The following KCNN3 variants were observed in gnomAD, a reference collection of about 807,000 sequenced individuals.
KCNN3 encodes the protein small conductance calcium-activated potassium channel protein 3.
In KCNN3, 16 loss-of-function variants were observed where a neutral mutation model predicts 62.9. The observed-to-expected ratio is 0.25, with a 90% CI of 0.17 to 0.39. The LOEUF is 0.39. Ranked by LOEUF, KCNN3 falls within the 10% of genes least tolerant of loss-of-function variation. The probability of loss-of-function intolerance (pLI) is 1.00; values close to 1 mark genes in which losing one functional copy is unlikely to be tolerated. For missense variants in KCNN3, 599 were observed against 949.4 expected, an observed-to-expected ratio of 0.63 and a Z score of 4.85; for synonymous variants, 370 against 389.2, an observed-to-expected ratio of 0.95 and a Z score of 0.58.
chr1:154,845,555 T>G (rs1487692028), intron 1 of KCNN3, among the ~76,000 whole-genome samples: 2 of 152,200 alleles, frequency 1.3e-5, no homozygotes, highest in East Asian at 3.8e-4. Context: ...CCTTGACTAA[T>G]GCACACCTGC....
chr1:154,843,793 C>T (rs1424901411), intron 1 of KCNN3, among the ~76,000 whole-genome samples: 5 of 152,204 alleles, frequency 3.3e-5, no homozygotes, highest in South Asian at 2.1e-4. Context: ...CAATTCCAGA[C>T]GGCACTTAAC....
At chr1:154,850,134 A>C in intron 1 of KCNN3, among the ~76,000 whole-genome samples, 1 of 150,628 alleles carries the variant, frequency 6.6e-6, no homozygotes, top group African/African-American at 2.4e-5. Flanking sequence ...ATCTCCCTCC[A>C]CTCTAGGGGC....
chr1:154,782,185 G>A (rs1277383135), intron 2 of KCNN3, among the ~76,000 whole-genome samples: 1 of 152,220 alleles, frequency 6.6e-6, no homozygotes, highest in Non-Finnish European at 1.5e-5. Context: ...GGATGTCACA[G>A]AAGGAGCTTC....
At chr1:154,807,266 A>T (rs1302346812) in intron 2 of KCNN3, among the ~76,000 whole-genome samples, 1 of 152,106 alleles carries the variant, frequency 6.6e-6, no homozygotes, top group African/African-American at 2.4e-5. Flanking sequence ...AGAAGAGGAA[A>T]AAATGTCCCC....
In KCNN3 at chr1:154,713,449, G is replaced by A. The variant is rs1557937412; in HGVS notation, c.1899+15C>T. On this transcript the variant is annotated intron_variant, in intron 7 of 7. Transcript: ENST00000271915. Reference sequence around the variant, plus strand: ...CTGCGTGTTCTAGGGGATGTCTCCAGACACTGCCACTCACCTTGGAAAGGT... The same window carrying A: ...CTGCGTGTTCTAGGGGATGTCTCCAAACACTGCCACTCACCTTGGAAAGGT... 6.2e-7 allele frequency: 1 copy of A among 1,607,946 alleles called. No homozygotes were observed.
intron 4 of KCNN3, among the ~76,000 whole-genome samples, chr1:154,729,308 C>G (rs1017934007): frequency 1.3e-5 from 2 of 152,184 alleles, no homozygotes; most frequent in African/African-American, 2.4e-5. Flanking sequence ...TGGATGTGCT[C>G]TGTCCAACTT....
chr1:154,744,074 A>G (rs908793519), intron 3 of KCNN3, among the ~76,000 whole-genome samples: 2 of 152,052 alleles, frequency 1.3e-5, no homozygotes, highest in Non-Finnish European at 2.9e-5. Context: ...TCTTCTCCAC[A>G]GCGCTTATCA....
In KCNN3 at chr1:154,870,121, T is replaced by C. The variant is rs753411052; in HGVS notation, c.-157A>G. The stretch of plus-strand genomic sequence containing the variant: ...CTTGCTTCGGTTCTCTGGGGCTGCC[T>C]GGAGTCCAGACGCTGCCACTCAAGA... On this transcript the variant is annotated 5_prime_UTR_variant, in exon 1 of 8. Coordinates refer to ENST00000271915, the MANE Select transcript of KCNN3 (RefSeq NM_002249.6). 1 of 853,126 alleles carries C rather than the reference T, an allele frequency of 1.2e-6. No homozygotes were observed. Among genetic ancestry groups the C allele is most frequent in the Non-Finnish European group, 2.0e-6 (1 of 511,044 alleles). The allele number at this position is 853,126 out of a possible 1,614,324, so 52.8% of individuals were successfully genotyped here.
Position 154,707,835 on chromosome 1 carries a change from T to A in KCNN3, c.*141A>T. The A allele has an allele frequency of 1.0e-6, 1 of 956,002 alleles. No individual in the cohort carries two copies. The highest frequency in any genetic ancestry group is 1.6e-6 in the Non-Finnish European group (1 of 632,056). 59.2% of individuals were successfully genotyped at this position (956,002 alleles called of 1,614,324 possible). On this transcript the variant is annotated 3_prime_UTR_variant, in exon 8 of 8. Coordinates refer to ENST00000271915, the MANE Select transcript of KCNN3 (RefSeq NM_002249.6). ...GGCATGTCGGACCAAGCACGCTGAATGAACATGAGTTAGTTAATTAGCTCG... is the reference window on the plus strand; with the variant it reads ...GGCATGTCGGACCAAGCACGCTGAAAGAACATGAGTTAGTTAATTAGCTCG...
intron 1 of KCNN3, among the ~76,000 whole-genome samples, chr1:154,842,638 C>A (rs1049220047): frequency 4.0e-4 from 37 of 91,572 alleles, no homozygotes; most frequent in Non-Finnish European, 5.4e-4. Context: ...GACCCCCCCC[C>A]CGCCACCACC....
intron 1 of KCNN3, among the ~76,000 whole-genome samples, chr1:154,861,894 C>A (rs1652785234): frequency 6.6e-6 from 1 of 152,126 alleles, no homozygotes; most frequent in Non-Finnish European, 1.5e-5. Context: ...GGAAGGGACT[C>A]GACAAAGATC....
chr1:154,755,227 T>G (rs887121231), intron 3 of KCNN3, among the ~76,000 whole-genome samples: 11 of 152,096 alleles, frequency 7.2e-5, no homozygotes, highest in Admixed American at 4.6e-4. Flanking sequence ...TCCTAATACT[T>G]GGGAACCTGA....
intron 5 of KCNN3, among the ~76,000 whole-genome samples, chr1:154,718,843 AC>A (rs1700285706): frequency 6.6e-6 from 1 of 152,198 alleles, no homozygotes; most frequent in African/African-American, 2.4e-5. Context: ...AAACATTAGC[AC>A]AGATCCTGGC....
chr1:154,756,043 G>C (rs1647673872), intron 3 of KCNN3, among the ~76,000 whole-genome samples: 1 of 137,048 alleles, frequency 7.3e-6, no homozygotes, highest in Non-Finnish European at 1.6e-5. Flanking sequence ...TGAAAAGGAG[G>C]AGGAGGAGGA....
intron 2 of KCNN3, among the ~76,000 whole-genome samples, chr1:154,778,141 C>G (rs1312909391): frequency 6.6e-6 from 1 of 152,188 alleles, no homozygotes; most frequent in Non-Finnish European, 1.5e-5. Context: ...TACCACTTAA[C>G]TGGTGGTTCT....
intron 5 of KCNN3, among the ~76,000 whole-genome samples, chr1:154,718,735 CACA>C (rs972059686): frequency 7.2e-5 from 11 of 152,140 alleles, no homozygotes; most frequent in Admixed American, 2.6e-4. Context: ...CTTAAAAAAC[CACA>C]ACAACAAAGC....
At position 154,713,452 on chromosome 1, in the gene KCNN3, A is replaced by G. The variant is rs368103346; in HGVS notation, c.1899+12T>C. The G allele has an allele frequency of 1.2e-6, 2 of 1,609,230 alleles. No homozygotes were observed. Among genetic ancestry groups the G allele is most frequent in the Non-Finnish European group, 8.5e-7 (1 of 1,175,672 alleles). On this transcript the variant is annotated intron_variant, in intron 7 of 7. Coordinates refer to ENST00000271915, the MANE Select transcript of KCNN3 (RefSeq NM_002249.6). The stretch of plus-strand genomic sequence containing the variant: ...CGTGTTCTAGGGGATGTCTCCAGAC[A>G]CTGCCACTCACCTTGGAAAGGTCCA...
At chr1:154,802,301 T>C (rs2101874888) in intron 2 of KCNN3, among the ~76,000 whole-genome samples, 1 of 152,302 alleles carries the variant, frequency 6.6e-6, no homozygotes, top group Admixed American at 6.5e-5. Context: ...TTACTGAGCT[T>C]CTCAGTATGA....
chr1:154,739,440 T>A (rs1466174870), intron 3 of KCNN3, among the ~76,000 whole-genome samples: 2 of 152,260 alleles, frequency 1.3e-5, no homozygotes, highest in East Asian at 3.9e-4. Context: ...CATTTCCTCG[T>A]TTTTCTTCAT....
Sources: allele counts gnomAD v4.1 joint callset (sites outside exome capture counted in the v4.1 genomes callset), GRCh38; gene constraint gnomAD v4.1.1; transcripts MANE v1.5; gene names NCBI Gene and HGNC (gene_info 2026-07-23, HGNC 2026-07-21).